Variants in ATP13A2 observed in about 807,000 individuals in gnomAD.
ATP13A2 encodes the protein ATPase cation transporting 13A2, also known as polyamine-transporting ATPase 13A2.
ATP13A2 carries 83 observed loss-of-function variants against 138.3 expected under a neutral mutation model. That is an observed-to-expected ratio of 0.60 (90% CI 0.50 to 0.72). ATP13A2 has a LOEUF of 0.72. Ranked by LOEUF, ATP13A2 falls within the 30% of genes least tolerant of loss-of-function variation. The pLI is 0.00. For missense variants in ATP13A2, 1,402 were observed against 1,606.4 expected, an observed-to-expected ratio of 0.87 and a Z score of 2.17; for synonymous variants, 663 against 699.0, an observed-to-expected ratio of 0.95 and a Z score of 0.81.
chr1:17,000,803 G>A (rs1263284574), intron 8 of ATP13A2: 3 of 444,504 alleles, frequency 6.7e-6, no homozygotes, highest in Admixed American at 3.6e-5. Context: ...TTAGCCTGAT[G>A]GGGTGGCCTG....
chr1:16,993,966 A>G lies in ATP13A2; in HGVS notation c.1543-131T>C, dbSNP rs922703724. 3.3e-5 allele frequency: 24 copies of G among 729,782 alleles called. No individual in the cohort carries two copies. In the African/African-American group the frequency reaches 4.1e-4, roughly 13 times the overall value. 45.2% of individuals were successfully genotyped at this position (729,782 alleles called of 1,614,324 possible). A position where few individuals can be genotyped will look rare whatever the true frequency, so the allele number is the denominator to read the frequency against. Reference sequence around the variant, plus strand: ...GAACTCGAGCTGGAGCCAAAAGATGACCTTTCTTGACTGCTGTCCTTGGCA... The same window carrying G: ...GAACTCGAGCTGGAGCCAAAAGATGGCCTTTCTTGACTGCTGTCCTTGGCA... On this transcript the variant is annotated intron_variant, in intron 15 of 28. Coordinates refer to ENST00000326735, the MANE Select transcript of ATP13A2 (RefSeq NM_022089.4).
At position 16,986,325 on chromosome 1, in the gene ATP13A2, G is replaced by A. The variant is rs370421723; in HGVS notation, c.3439C>T (p.Arg1147Cys). ...VLDQCLPACL[R>C]RLRPKRASKK... ...GAGGCCCGCTTGGGCCGGAGGCGGC[G>A]CAGGCAGGCGGGGAGGCACTGGTCT... The change falls in exon 29 of 29, where the codon CGC becomes TGC. Residue 1147 changes from arginine (R) to cysteine (C), a missense_variant. Coordinates refer to ENST00000326735, the MANE Select transcript of ATP13A2 (RefSeq NM_022089.4). The surrounding 1 kb of genome is among the most constrained non-coding windows in gnomAD (Gnocchi z 6.9). 4.2e-5 allele frequency: 67 copies of A among 1,584,600 alleles called. No homozygotes were observed. Among genetic ancestry groups the A allele is most frequent in the Admixed American group, 2.2e-4 (12 of 54,660 alleles).
Position 16,993,711 on chromosome 1 carries a change from G to A in ATP13A2, c.1667C>T (p.Ala556Val), listed in dbSNP as rs760021599. The A allele has an allele frequency of 2.9e-5, 46 of 1,593,836 alleles. No individual in the cohort carries two copies. Among genetic ancestry groups the A allele is most frequent in the Non-Finnish European group, 3.8e-5 (44 of 1,171,016 alleles). Residue 556 changes from alanine to valine, a missense_variant, in exon 16 of 29, where the codon GCC becomes GTC. Transcript: ENST00000326735. ...LPVGPLLRAL[A>V]TCHALSRLQD... ...GAGCCGGCTGAGGGCATGGCAGGTG[G>A]CCAGTGCTCGGAGCAGGGGCCCCAC...
At chr1:16,987,932 AC>A (rs774206876) in intron 25 of ATP13A2, among the ~76,000 whole-genome samples, 6 of 152,106 alleles carry the variant, frequency 3.9e-5, no homozygotes, top group Non-Finnish European at 8.8e-5. Context: ...ATTTGTGAGG[AC>A]CTAGTGGGTA....
In ATP13A2 at chr1:17,011,715, G is replaced by C. The variant is rs1184644373; in HGVS notation, c.10+14C>G. ...CCGCGCCGGGCTCGGGGCCGACCCGGACTCCGCACTCACCTGCGCTCATGC... is the reference window on the plus strand; with the variant it reads ...CCGCGCCGGGCTCGGGGCCGACCCGCACTCCGCACTCACCTGCGCTCATGC... On this transcript the variant is annotated intron_variant, in intron 1 of 28. Coordinates refer to ENST00000326735, the MANE Select transcript of ATP13A2 (RefSeq NM_022089.4). This position sits in a 1 kb window ranked among gnomAD's most constrained non-coding sequence, Gnocchi z 7.3. 4.0e-6 allele frequency: 6 copies of C among 1,488,304 alleles called. No homozygotes were observed. Among genetic ancestry groups the C allele is most frequent in the Non-Finnish European group, 5.3e-6 (6 of 1,126,056 alleles). 92.2% of individuals were successfully genotyped at this position (1,488,304 alleles called of 1,614,324 possible).
At chr1:16,987,400 C>T (rs1028477634) in intron 25 of ATP13A2, 131 bp from the exon 26 acceptor site, 17 of 887,564 alleles carry the variant, frequency 1.9e-5, no homozygotes, top group African/African-American at 1.5e-4. Context: ...TAATGGGGGC[C>T]GTACTCTCCT....
intron 23 of ATP13A2, among the ~76,000 whole-genome samples, 153 bp from the exon 24 acceptor site, chr1:16,988,627 T>C (rs541095006): frequency 6.9e-4 from 104 of 151,180 alleles, no homozygotes; most frequent in African/African-American, 2.3e-3. Flanking sequence ...TTATTATTAT[T>C]ATCATTATTA....
In ATP13A2 at chr1:17,011,607, G is replaced by T; in HGVS notation, c.10+122C>A. ...GGGCCAGGATCCCCAACCAGGTCCC[G>T]CTTCCTGGGCTCGCGACCCCGCGGT... On this transcript the variant is annotated intron_variant, in intron 1 of 28. Transcript: ENST00000326735. The surrounding 1 kb of genome is among the most constrained non-coding windows in gnomAD (Gnocchi z 7.3). 7.8e-7 allele frequency: 1 copy of T among 1,283,824 alleles called. No homozygotes were observed. 79.5% of individuals were successfully genotyped at this position (1,283,824 alleles called of 1,614,324 possible).
At chr1:16,996,354 A>G (rs1420759719) in intron 13 of ATP13A2, 32 bp downstream of exon 13, 3 of 1,613,532 alleles carry the variant, frequency 1.9e-6, no homozygotes, top group East Asian at 4.5e-5. Flanking sequence ...GGGGGGGGCT[A>G]TGGGCAGAGG....
Position 16,986,717 on chromosome 1 carries a change from C to T in ATP13A2, c.3236-85G>A, listed in dbSNP as rs1020189579. Reference sequence around the variant, plus strand: ...GTGTGCACGCCAGTCTTCCACTCGGCCGGCACCTCTCTCCCATCTGCCTCC... The same window carrying T: ...GTGTGCACGCCAGTCTTCCACTCGGTCGGCACCTCTCTCCCATCTGCCTCC... On this transcript the variant is annotated intron_variant, in intron 27 of 28. Transcript: ENST00000326735. This position sits in a 1 kb window ranked among gnomAD's most constrained non-coding sequence, Gnocchi z 6.9. 8 of 1,571,008 alleles carry T rather than the reference C, an allele frequency of 5.1e-6. 1 individual carries two copies. In the African/African-American group the frequency reaches 1.1e-4, roughly 21 times the overall value.
Position 17,004,509 on chromosome 1 carries a change from G to T in ATP13A2, c.478-98C>A. 2 of 1,536,296 alleles carry T rather than the reference G, an allele frequency of 1.3e-6. No homozygotes were observed. On this transcript the variant is annotated intron_variant, in intron 5 of 28. Transcript: ENST00000326735. This position sits in a 1 kb window ranked among gnomAD's most constrained non-coding sequence, Gnocchi z 4.1. Reference sequence around the variant, plus strand: ...CCGAGGGATGGGGGTAGGGGGCAGGGACTGGTGTCACCAGACAGAGAGGTG... The same window carrying T: ...CCGAGGGATGGGGGTAGGGGGCAGGTACTGGTGTCACCAGACAGAGAGGTG...
In ATP13A2 at chr1:16,993,791, C is replaced by T. The variant is rs781265774; in HGVS notation, c.1587G>A (p.Val529=). ...GCAGGAATGCCTGCCCCTTCAGGGG[C>T]ACCACCCCCATCACGTCTAAGCCGT... The part of the protein sequence containing the change: ...TEDGLDVMGV[V]PLKGQAFLPL... Residue 529 remains valine (V), a synonymous_variant, in exon 16 of 29, where the codon GTG becomes GTA. Coordinates refer to ENST00000326735, the MANE Select transcript of ATP13A2 (RefSeq NM_022089.4). The T allele has an allele frequency of 6.3e-7, 1 of 1,583,770 alleles. No individual in the cohort carries two copies. The highest frequency in any genetic ancestry group is 8.6e-7 in the Non-Finnish European group (1 of 1,165,796).
intron 10 of ATP13A2, 29 bp downstream of exon 10, chr1:17,000,216 GC>G (rs2077298244): frequency 1.3e-6 from 1 of 793,878 alleles, no homozygotes; most frequent in Non-Finnish European, 1.5e-6. Flanking sequence ...TCCCACTCCT[GC>G]CCCCGCCCCC....
In ATP13A2 at chr1:17,003,135, C is replaced by A. The variant is rs148002132; in HGVS notation, c.558-762G>T. Among the ~76,000 whole-genome samples, 322 of 152,300 alleles carry A rather than the reference C, an allele frequency of 2.1e-3. 2 individuals carry two copies. Among genetic ancestry groups the A allele is most frequent in the African/African-American group, 7.6e-3 (316 of 41,568 alleles). Reference sequence around the variant, plus strand: ...CAGGCGACTGAAGTCCGGGTGTCCACAGCTGTGGCAGCCAGCATAACCTCC... The same window carrying A: ...CAGGCGACTGAAGTCCGGGTGTCCAAAGCTGTGGCAGCCAGCATAACCTCC... On this transcript the variant is annotated intron_variant, in intron 6 of 28. Transcript: ENST00000326735.
rs1443334892 is a variant in ATP13A2, at chr1:17,005,430, G to A, written c.232C>T (p.Arg78Trp). The A allele has an allele frequency of 4.3e-6, 7 of 1,613,352 alleles. No individual in the cohort carries two copies. The highest frequency in any genetic ancestry group is 1.7e-5 in the Admixed American group (1 of 59,866). ...TCGGCGTGGGCCAGGTTGCAGGGCC[G>A]GAGCCGCAGCCGCACCCCCCACAGG... ...KPLWGVRLRL[R>W]PCNLAHAETL... The change falls in exon 3 of 29, where the codon CGG (arginine) becomes TGG (tryptophan). Residue 78 changes from arginine to tryptophan, a missense_variant. Physicochemically the swap from Arg to Trp is moderately radical, Grantham distance 101 (BLOSUM62 -3). Transcript: ENST00000326735.
rs376485215 is a variant in ATP13A2, at chr1:16,997,188, G to T, written c.1040-13C>A. 6.2e-7 allele frequency: 1 copy of T among 1,613,208 alleles called. No individual in the cohort carries two copies. The highest frequency in any genetic ancestry group is 1.1e-5 in the South Asian group (1 of 91,078). On this transcript the variant is annotated splice_polypyrimidine_tract_variant and intron_variant, in intron 11 of 28. Transcript: ENST00000326735. ...GGAATGCTCTCTCCTGGTGGGGAAC[G>T]TGGTGTGAGGACCACTCCACACCCC...
chr1:16,988,963 G>A (rs570024429), intron 23 of ATP13A2, among the ~76,000 whole-genome samples: 3 of 151,062 alleles, frequency 2.0e-5, no homozygotes, highest in South Asian at 4.2e-4. Flanking sequence ...GTCTCCCTCT[G>A]TTGCCCAGGC....
intron 23 of ATP13A2, among the ~76,000 whole-genome samples, chr1:16,989,028 C>T (rs2076832124): frequency 6.6e-6 from 1 of 151,532 alleles, no homozygotes; most frequent in Non-Finnish European, 1.5e-5. Context: ...TGCCCAAGTG[C>T]CCTCAGCCTC....
At chr1:16,999,823 C>G (rs1468447490) in intron 11 of ATP13A2, among the ~76,000 whole-genome samples, 188 bp downstream of exon 11, 3 of 152,154 alleles carry the variant, frequency 2.0e-5, no homozygotes, top group Admixed American at 6.5e-5. Flanking sequence ...ATCACTTGAA[C>G]CTGGGGGGTG....
Sources: allele counts gnomAD v4.1 joint callset (sites outside exome capture counted in the v4.1 genomes callset), GRCh38; gene constraint gnomAD v4.1.1; non-coding constraint Gnocchi (gnomAD v3.1); transcripts MANE v1.5; gene names NCBI Gene and HGNC (gene_info 2026-07-23, HGNC 2026-07-21).